The following ADCY2 variants were observed in gnomAD, a reference collection of about 807,000 sequenced individuals.
ADCY2 encodes the protein adenylate cyclase type 2.
A neutral mutation model predicts 125.2 loss-of-function variants in ADCY2; 31 were observed. The observed-to-expected ratio is 0.25, with a 90% confidence interval of 0.19 to 0.33. The LOEUF is 0.33. ADCY2 is among the 10% of genes least tolerant of loss of function. The pLI is 1.00. For missense variants in ADCY2, 904 were observed against 1,418.2 expected, an observed-to-expected ratio of 0.64 and a Z score of 5.82; for synonymous variants, 512 against 548.4, an observed-to-expected ratio of 0.93 and a Z score of 0.93.
At chr5:7,613,451 A>T (rs544616250) in intron 3 of ADCY2, among the ~76,000 whole-genome samples, 1 of 151,986 alleles carries the variant, frequency 6.6e-6, no homozygotes, top group Non-Finnish European at 1.5e-5. Context: ...TCAGAATTCC[A>T]CCAGGCTGTC....
chr5:7,444,908 C>G (rs1316435239), intron 2 of ADCY2, among the ~76,000 whole-genome samples: 1 of 152,112 alleles, frequency 6.6e-6, no homozygotes, highest in Non-Finnish European at 1.5e-5. Context: ...AATTTTTTCT[C>G]CTCTCCACTG....
chr5:7,636,706 C>T (rs1738517328), intron 4 of ADCY2, among the ~76,000 whole-genome samples: 1 of 152,088 alleles, frequency 6.6e-6, no homozygotes, highest in Admixed American at 6.5e-5. Context: ...TCAATAGAAG[C>T]CAAGAGAAGA....
chr5:7,464,501 C>T (rs1742033345), intron 2 of ADCY2, among the ~76,000 whole-genome samples: 1 of 152,142 alleles, frequency 6.6e-6, no homozygotes, highest in African/African-American at 2.4e-5. Flanking sequence ...TCCTAACCCA[C>T]AAAATTGTGA....
At chr5:7,446,138 A>C (rs532877565) in intron 2 of ADCY2, among the ~76,000 whole-genome samples, 2 of 152,216 alleles carry the variant, frequency 1.3e-5, no homozygotes, top group Non-Finnish European at 2.9e-5. Context: ...ACATAATTAC[A>C]TTCAATGTTA....
chr5:7,459,383 G>C (rs564019623), intron 2 of ADCY2, among the ~76,000 whole-genome samples: 1 of 152,304 alleles, frequency 6.6e-6, no homozygotes, highest in South Asian at 2.1e-4. Context: ...TGCGGTTGCT[G>C]TTTCTTTTCA....
intron 2 of ADCY2, among the ~76,000 whole-genome samples, chr5:7,496,315 A>C (rs1346681814): frequency 6.6e-6 from 1 of 152,186 alleles, no homozygotes; most frequent in Non-Finnish European, 1.5e-5. Flanking sequence ...AATTCTTAGG[A>C]ATGTAACATT....
chr5:7,470,655 TG>T (rs1742302861), intron 2 of ADCY2, among the ~76,000 whole-genome samples: 2 of 150,802 alleles, frequency 1.3e-5, no homozygotes, highest in African/African-American at 4.9e-5. Flanking sequence ...TGTGTGTGTG[TG>T]TTTACAAATA....
intron 18 of ADCY2, among the ~76,000 whole-genome samples, chr5:7,775,387 A>G (rs1455544946): frequency 1.3e-5 from 2 of 150,616 alleles, no homozygotes; most frequent in Non-Finnish European, 3.0e-5. Context: ...GGCCTCTTTT[A>G]GTTTTGATTG....
At chr5:7,534,840 G>T (rs909061281) in intron 3 of ADCY2, among the ~76,000 whole-genome samples, 11 of 152,334 alleles carry the variant, frequency 7.2e-5, no homozygotes, top group African/African-American at 2.6e-4. Context: ...GGTTGATGTG[G>T]TGGGGGCCTC....
intron 3 of ADCY2, among the ~76,000 whole-genome samples, chr5:7,607,630 C>G (rs540916765): frequency 6.6e-6 from 1 of 152,322 alleles, no homozygotes; most frequent in African/African-American, 2.4e-5. Flanking sequence ...TTGCATGACA[C>G]TTACAATCAA....
At chr5:7,821,810 G>A (rs1270495614) in intron 24 of ADCY2, among the ~76,000 whole-genome samples, 1 of 152,224 alleles carries the variant, frequency 6.6e-6, no homozygotes, top group African/African-American at 2.4e-5. Context: ...GATGTGAAGT[G>A]AGCTGATGGA....
intron 6 of ADCY2, among the ~76,000 whole-genome samples, chr5:7,697,627 C>A (rs1740937363): frequency 6.6e-6 from 1 of 151,830 alleles, no homozygotes; most frequent in Non-Finnish European, 1.5e-5. Flanking sequence ...AATATAAATA[C>A]AAAATTTAGC....
At chr5:7,658,066 C>T (rs773238650) in intron 4 of ADCY2, 2 of 152,194 alleles carry the variant, frequency 1.3e-5, no homozygotes, top group Admixed American at 6.5e-5. Flanking sequence ...CCCTTCGACA[C>T]GAACCCTCTT....
chr5:7,666,061 A>G (rs528701912), intron 4 of ADCY2, among the ~76,000 whole-genome samples: 1 of 151,096 alleles, frequency 6.6e-6, no homozygotes, highest in African/African-American at 2.4e-5. Flanking sequence ...GATGGTCTCG[A>G]TCTCCTGACC....
At chr5:7,506,656 T>C (rs867279427) in intron 2 of ADCY2, among the ~76,000 whole-genome samples, 3 of 152,334 alleles carry the variant, frequency 2.0e-5, no homozygotes, top group Middle Eastern at 3.4e-3. Context: ...GCTGTAACTT[T>C]CTCTTTGAAC....
intron 16 of ADCY2, among the ~76,000 whole-genome samples, chr5:7,762,166 T>C (rs944159978): frequency 1.2e-4 from 18 of 152,070 alleles, no homozygotes; most frequent in Admixed American, 6.6e-5. Context: ...CCTCCAAGAG[T>C]GCAGAAAAAT....
chr5:7,465,737 G>C (rs937022054), intron 2 of ADCY2, among the ~76,000 whole-genome samples: 1 of 152,220 alleles, frequency 6.6e-6, no homozygotes, highest in Non-Finnish European at 1.5e-5. Context: ...ATATGTGTGT[G>C]TATAGATAGA....
chr5:7,469,478 C>T (rs996723676), intron 2 of ADCY2, among the ~76,000 whole-genome samples: 1 of 151,838 alleles, frequency 6.6e-6, no homozygotes, highest in Non-Finnish European at 1.5e-5. Flanking sequence ...TTCTCTAAAC[C>T]TGCCTATATA....
At chr5:7,800,761 T>A (rs1269168143) in intron 20 of ADCY2, 1 of 152,162 alleles carries the variant, frequency 6.6e-6, no homozygotes, top group Non-Finnish European at 1.5e-5. Context: ...AAACTGACAT[T>A]TTTAACTCAC....
Sources: gnomAD v4.1 joint callset for allele counts (sites outside exome capture counted in the v4.1 genomes callset) on GRCh38, gnomAD v4.1.1 for gene constraint, MANE v1.5 for transcripts, NCBI Gene and HGNC (gene_info 2026-07-23, HGNC 2026-07-21) for gene names.